The following VWA3A variants were observed in gnomAD, a reference collection of about 807,000 sequenced individuals.
VWA3A encodes von Willebrand factor A domain containing 3A.
Under a neutral mutation model 160.4 loss-of-function variants are expected in VWA3A, and 134 were observed. The ratio of observed to expected loss-of-function variants is 0.84; its 90% CI spans 0.73 to 0.96. The LOEUF is 0.96. Among genes scored for constraint, VWA3A ranks in the 40% least tolerant of loss-of-function variants. The probability of loss-of-function intolerance (pLI) is 0.00; values close to 1 mark genes in which losing one functional copy is unlikely to be tolerated. For synonymous variants in VWA3A, 476 were observed against 543.4 expected, an observed-to-expected ratio of 0.88 and a Z score of 1.72; for missense variants, 1,310 against 1,447.9, an observed-to-expected ratio of 0.90 and a Z score of 1.55.
chr16:22,141,499 TTGAG>T (rs2046148632), intron 23 of VWA3A, 79 bp from the exon 24 acceptor site: 4 of 1,312,354 alleles, frequency 3.0e-6, no homozygotes, highest in East Asian at 2.5e-5. Context: ...ATAGCTGAAC[TTGAG>T]TGTCTCTAAG....
intron 27 of VWA3A, chr16:22,147,620 C>T (rs774598919): frequency 4.1e-5 from 29 of 703,078 alleles, no homozygotes; most frequent in South Asian, 3.3e-4. Context: ...TGGACAGGGG[C>T]GTCATGATGA....
chr16:22,117,070 T>C (rs1321880467), intron 10 of VWA3A, 41 bp from the exon 11 acceptor site: 5 of 1,556,066 alleles, frequency 3.2e-6, no homozygotes, highest in Non-Finnish European at 4.4e-6. Flanking sequence ...GGAGTATTGG[T>C]GTTGCCCTAG....
chr16:22,126,746 G>A (rs188132148), intron 17 of VWA3A, among the ~76,000 whole-genome samples: 3 of 152,186 alleles, frequency 2.0e-5, no homozygotes, highest in Admixed American at 1.3e-4. Context: ...AGTGGCTCAC[G>A]CCTGTAATCC....
chr16:22,103,116 C>T (rs2045430994), intron 5 of VWA3A, among the ~76,000 whole-genome samples: 2 of 152,224 alleles, frequency 1.3e-5, no homozygotes, highest in African/African-American at 4.8e-5. Context: ...TCCATGCAGC[C>T]TTGAACTCCT....
At chr16:22,138,211 T>C (rs1340518947) in intron 21 of VWA3A, 149 bp from the exon 22 acceptor site, 5 of 885,268 alleles carry the variant, frequency 5.6e-6, no homozygotes, top group Admixed American at 5.8e-5. Flanking sequence ...CCATAGCACT[T>C]TCAGCCCCAG....
chr16:22,142,314 G>A lies in VWA3A; in HGVS notation c.2495-354G>A, dbSNP rs376239267. Among the ~76,000 whole-genome samples, 42 of 151,770 alleles carry A rather than the reference G, an allele frequency of 2.8e-4. No individual in the cohort carries two copies. The East Asian group carries it at 3.1e-3, about 11-fold the overall frequency. ...ATAGGTTTTTTTAGCTCAGGCTTAT[G>A]CTGGCTGGAAGTTTGGGCATCTGGT... On this transcript the variant is annotated intron_variant, in intron 24 of 33. Coordinates refer to ENST00000389398, the MANE Select transcript of VWA3A (RefSeq NM_173615.5).
intron 3 of VWA3A, among the ~76,000 whole-genome samples, chr16:22,099,583 T>C (rs2045376527): frequency 6.6e-6 from 1 of 152,266 alleles, no homozygotes; most frequent in Non-Finnish European, 1.5e-5. Context: ...TATCTAAGTA[T>C]TTGCAGTAAT....
At chr16:22,103,550 T>A (rs1416877436) in intron 6 of VWA3A, 21 bp downstream of exon 6, 1 of 1,551,352 alleles carries the variant, frequency 6.4e-7, no homozygotes, top group African/African-American at 1.4e-5. Flanking sequence ...TAGATTTCAT[T>A]CTTTGCCCCC....
intron 6 of VWA3A, 130 bp downstream of exon 6, chr16:22,103,659 A>G: frequency 1.9e-6 from 2 of 1,035,624 alleles, no homozygotes; most frequent in South Asian, 3.2e-5. Flanking sequence ...TTACTAACCT[A>G]AGTAAATGAA....
Position 22,131,646 on chromosome 16 carries a change from G to A in VWA3A, c.1789G>A (p.Val597Met), listed in dbSNP as rs1210741322. Residue 597 changes from valine (V) to methionine (M), a missense_variant, in exon 19 of 34, where the codon GTG becomes ATG. Physicochemically the swap from Val to Met is conservative, Grantham distance 21. Coordinates refer to ENST00000389398, the MANE Select transcript of VWA3A (RefSeq NM_173615.5). ...CGTTCTCAGCGCCCTGCGGAAGGCT[G>A]TGGAAGTAGACTTCAAGGACAAAGA... ...RNVLSALRKAVEVDFKDKDKH... is the reference protein window; with the variant it reads ...RNVLSALRKAMEVDFKDKDKH... 6.2e-7 allele frequency: 1 copy of A among 1,613,880 alleles called. No individual in the cohort carries two copies. The highest frequency in any genetic ancestry group is 1.3e-5 in the African/African-American group (1 of 74,948).
Position 22,123,162 on chromosome 16 carries a change from C to A in VWA3A, c.1434C>A (p.Tyr478Ter). The A allele has an allele frequency of 6.2e-7, 1 of 1,600,766 alleles. No homozygotes were observed. The highest frequency in any genetic ancestry group is 8.5e-7 in the Non-Finnish European group (1 of 1,173,332). ...IHVDPPFLYK[Y>*]QQQLSRAMRM... The stretch of plus-strand genomic sequence containing the variant: ...TGGACCCACCCTTCCTCTATAAGTA[C>A]CAGGTCAGTGATGGGTTCAATCAGT... Residue 478 changes from tyrosine to a stop codon, truncating the protein, a stop_gained, in exon 15 of 34, where the codon TAC becomes TAA. Coordinates refer to ENST00000389398, the MANE Select transcript of VWA3A (RefSeq NM_173615.5). LOFTEE classifies it high-confidence loss of function.
intron 5 of VWA3A, among the ~76,000 whole-genome samples, chr16:22,102,508 C>A (rs1391157935): frequency 1.3e-5 from 2 of 152,062 alleles, no homozygotes; most frequent in African/African-American, 4.8e-5. Flanking sequence ...TCACCTGCCC[C>A]CAGTAAGAAC....
At chr16:22,146,385 G>A (rs1474908724) in intron 27 of VWA3A, 41 bp downstream of exon 27, 11 of 1,578,478 alleles carry the variant, frequency 7.0e-6, no homozygotes, top group Non-Finnish European at 9.5e-6. Flanking sequence ...GGAGCATGAG[G>A]GGATGTAGAA....
At chr16:22,148,909 A>T (rs1598108862) in intron 28 of VWA3A, among the ~76,000 whole-genome samples, 1 of 152,192 alleles carries the variant, frequency 6.6e-6, no homozygotes, top group African/African-American at 2.4e-5. Flanking sequence ...TAATGATTTA[A>T]TTTTTTTAAT....
rs781521116 is a variant in VWA3A, at chr16:22,126,273, A to T, written c.1628A>T (p.Asn543Ile). 1 of 1,613,898 alleles carries T rather than the reference A, an allele frequency of 6.2e-7. No homozygotes were observed. Among genetic ancestry groups the T allele is most frequent in the Non-Finnish European group, 8.5e-7 (1 of 1,179,854 alleles). Residue 543 changes from asparagine to isoleucine, a missense_variant, in exon 17 of 34, where the codon AAC becomes ATC. Asn to Ile is a moderately radical substitution (Grantham distance 149). Coordinates refer to ENST00000389398, the MANE Select transcript of VWA3A (RefSeq NM_173615.5). ...CTGCTGCTGGAGGAGCAGTTATCCA[A>T]CAAGGACTGTTTCAACCTCATCGCG... ...LRLLLEEQLSNKDCFNLIAFG... is the reference protein window; with the variant it reads ...LRLLLEEQLSIKDCFNLIAFG...
At chr16:22,133,176 G>A in intron 20 of VWA3A, 81 bp downstream of exon 20, 2 of 1,429,070 alleles carry the variant, frequency 1.4e-6, no homozygotes, top group Non-Finnish European at 1.9e-6. Context: ...GACCACAGAT[G>A]TATTCCAGAA....
At chr16:22,145,661 AATT>A (rs2046236283) in intron 26 of VWA3A, among the ~76,000 whole-genome samples, 1 of 151,622 alleles carries the variant, frequency 6.6e-6, no homozygotes, top group Non-Finnish European at 1.5e-5. Context: ...AAAAATCAGA[AATT>A]ATTATGATTT....
rs754700324 is a variant in VWA3A, at chr16:22,121,582, A to G, written c.1321A>G (p.Ile441Val). The G allele has an allele frequency of 8.7e-6, 14 of 1,613,540 alleles. No homozygotes were observed. The highest frequency in any genetic ancestry group is 1.1e-5 in the Non-Finnish European group (13 of 1,179,600). The change falls in exon 14 of 34, where the codon ATT becomes GTT. Residue 441 changes from isoleucine (I) to valine (V), a missense_variant. By Grantham distance (29) the Ile-to-Val change is conservative. Coordinates refer to ENST00000389398, the MANE Select transcript of VWA3A (RefSeq NM_173615.5). ...AFSPVEEFVP[I>V]LQKTVSSTIH... ...CTCTCCTGTGGAGGAATTTGTACCT[A>G]TTCTCCAGAAAACAGTATCATCGAC...
At chr16:22,112,627 G>A (rs1476237730) in intron 8 of VWA3A, among the ~76,000 whole-genome samples, 6 of 152,250 alleles carry the variant, frequency 3.9e-5, no homozygotes. Context: ...GCTAAGGTGG[G>A]AGGTTTGATT....
Sources: allele counts gnomAD v4.1 joint callset (sites outside exome capture counted in the v4.1 genomes callset), GRCh38; gene constraint gnomAD v4.1.1; transcripts MANE v1.5; gene names NCBI Gene and HGNC (gene_info 2026-07-23, HGNC 2026-07-21).